The following CDH7 variants were observed in gnomAD, a reference collection of about 807,000 sequenced individuals.
The protein encoded by CDH7 is cadherin 7, also known as cadherin-7.
A neutral mutation model predicts 71.8 loss-of-function variants in CDH7; 25 were observed. That is an observed-to-expected ratio of 0.35 (90% CI 0.25 to 0.49). The LOEUF is 0.49. CDH7 is among the 20% of genes least tolerant of loss of function. CDH7 has a pLI of 0.99. For synonymous variants in CDH7, 381 were observed against 363.8 expected, an observed-to-expected ratio of 1.05 and a Z score of -0.54; for missense variants, 862 against 974.6, an observed-to-expected ratio of 0.88 and a Z score of 1.54.
chr18:65,839,133 T>C (rs1196323200), intron 6 of CDH7, among the ~76,000 whole-genome samples: 1 of 152,210 alleles, frequency 6.6e-6, no homozygotes, highest in African/African-American at 2.4e-5. Context: ...TCTGTGCTCT[T>C]TAAACATGGG....
At chr18:65,794,895 C>T (rs2143867103) in intron 2 of CDH7, among the ~76,000 whole-genome samples, 1 of 152,234 alleles carries the variant, frequency 6.6e-6, no homozygotes, top group Admixed American at 6.5e-5. Context: ...ATGCCTACCA[C>T]AAAACTTTGT....
At chr18:65,768,639 T>C (rs558836401) in intron 2 of CDH7, among the ~76,000 whole-genome samples, 1 of 152,298 alleles carries the variant, frequency 6.6e-6, no homozygotes, top group East Asian at 1.9e-4. Context: ...TGTGCATTGC[T>C]CATAGATACA....
chr18:65,877,997 C>A (rs1599070037), intron 11 of CDH7, among the ~76,000 whole-genome samples: 2 of 152,244 alleles, frequency 1.3e-5, no homozygotes, highest in African/African-American at 4.8e-5. Context: ...TGAAGACAGA[C>A]TGAGATGGAG....
intron 7 of CDH7, among the ~76,000 whole-genome samples, chr18:65,854,225 G>T (rs1305169208): frequency 6.6e-6 from 1 of 151,782 alleles, no homozygotes; most frequent in Non-Finnish European, 1.5e-5. Context: ...AGGATCACTT[G>T]AGCCTGAGAG....
At position 65,809,926 on chromosome 18, in the gene CDH7, G is replaced by C; in HGVS notation, c.433G>C (p.Asp145His). ...PESEFVIKIQ[D>H]INDNEPKFLD... is the part of the protein sequence containing the mutation. The stretch of plus-strand genomic sequence containing the variant: ...GTCGGAGTTTGTCATCAAAATTCAG[G>C]ATATCAACGACAATGAACCCAAATT... Residue 145 changes from aspartate to histidine, a missense_variant, in exon 3 of 12, where the codon GAT becomes CAT. Physicochemically the swap from Asp to His is moderately conservative, Grantham distance 81 (BLOSUM62 -1). Coordinates refer to ENST00000397968, the MANE Select transcript of CDH7 (RefSeq NM_004361.5). 1 of 1,614,020 alleles carries C rather than the reference G, an allele frequency of 6.2e-7. No homozygotes were observed. The highest frequency in any genetic ancestry group is 8.5e-7 in the Non-Finnish European group (1 of 1,179,990).
chr18:65,814,258 A>G (rs1036077521), intron 3 of CDH7, among the ~76,000 whole-genome samples: 1 of 151,556 alleles, frequency 6.6e-6, no homozygotes, highest in African/African-American at 2.4e-5. Flanking sequence ...TTTTTTTGCC[A>G]GAATATTTTC....
At chr18:65,800,323 C>T (rs756482524) in intron 2 of CDH7, among the ~76,000 whole-genome samples, 1 of 152,192 alleles carries the variant, frequency 6.6e-6, no homozygotes, top group Non-Finnish European at 1.5e-5. Flanking sequence ...TTGTGATCCT[C>T]CCGCCTTAGC....
intron 7 of CDH7, among the ~76,000 whole-genome samples, chr18:65,847,571 T>C (rs1912976783): frequency 6.6e-6 from 1 of 152,150 alleles, no homozygotes; most frequent in South Asian, 2.1e-4. Context: ...GCACAGCATT[T>C]TAAAATTTCT....
intron 1 of CDH7, among the ~76,000 whole-genome samples, chr18:65,753,555 T>C (rs1455109260): frequency 2.0e-5 from 3 of 152,210 alleles, no homozygotes; most frequent in East Asian, 1.9e-4. Flanking sequence ...CATGCATTAG[T>C]TGATTGCAAA....
chr18:65,768,238 T>C (rs961734293), intron 2 of CDH7, among the ~76,000 whole-genome samples: 1 of 152,132 alleles, frequency 6.6e-6, no homozygotes, highest in Non-Finnish European at 1.5e-5. Flanking sequence ...TTTTTTTATT[T>C]TTTGGTTCTT....
At chr18:65,826,059 T>C (rs1451460359) in intron 6 of CDH7, among the ~76,000 whole-genome samples, 1 of 151,564 alleles carries the variant, frequency 6.6e-6, no homozygotes, top group East Asian at 1.9e-4. Flanking sequence ...AAATTCTAAA[T>C]TTAATATAAA....
Position 65,810,035 on chromosome 18 carries a change from C to T in CDH7, c.505+37C>T, listed in dbSNP as rs80158385. The T allele has an allele frequency of 3.0e-3, 4,511 of 1,527,664 alleles. 108 individuals carry two copies. The African/African-American group carries it at 0.053, about 18-fold the overall frequency. 94.6% of individuals were successfully genotyped at this position (1,527,664 alleles called of 1,614,324 possible). On this transcript the variant is annotated intron_variant, in intron 3 of 11. Transcript: ENST00000397968. ...ACACTCTGCTTTTGTAGCTTGTGGC[C>T]GATTTGGGGAGATTTGTATTTAAAA...
chr18:65,775,712 G>C (rs538398810), intron 2 of CDH7, among the ~76,000 whole-genome samples: 89 of 152,242 alleles, frequency 5.8e-4, no homozygotes, highest in African/African-American at 1.9e-3. Flanking sequence ...TTTGTGCTGG[G>C]CTGCATTCAG....
chr18:65,876,782 T>C (rs1252771650), intron 11 of CDH7, among the ~76,000 whole-genome samples: 1 of 152,236 alleles, frequency 6.6e-6, no homozygotes, highest in East Asian at 1.9e-4. Flanking sequence ...GTAAATGTTA[T>C]ATGTCTGCTT....
At position 65,754,422 on chromosome 18, in the gene CDH7, G is replaced by A. The variant is rs140682070; in HGVS notation, c.-197+3272G>A. 1.4e-4 allele frequency among the ~76,000 whole-genome samples: 22 copies of A among 152,246 alleles called. No homozygotes were observed. In the East Asian group the frequency reaches 3.9e-3, roughly 27 times the overall value. The stretch of plus-strand genomic sequence containing the variant: ...ATGGATTTGATCGCAGTTTCTTTAC[G>A]TGAGAAGTCACATATCACAGAGAGT... On this transcript the variant is annotated intron_variant, in intron 1 of 11. Coordinates refer to ENST00000397968, the MANE Select transcript of CDH7 (RefSeq NM_004361.5).
At chr18:65,804,575 G>T (rs1054132530) in intron 2 of CDH7, among the ~76,000 whole-genome samples, 1 of 152,052 alleles carries the variant, frequency 6.6e-6, no homozygotes, top group East Asian at 1.9e-4. Context: ...GCAGTGCATT[G>T]CTCTTTTAGT....
At chr18:65,842,386 A>T (rs540798322) in intron 6 of CDH7, among the ~76,000 whole-genome samples, 1 of 151,958 alleles carries the variant, frequency 6.6e-6, no homozygotes, top group South Asian at 2.1e-4. Context: ...ATTGATTTAT[A>T]TATATATATG....
At chr18:65,875,985 A>G (rs755644615) in intron 11 of CDH7, among the ~76,000 whole-genome samples, 2 of 152,202 alleles carry the variant, frequency 1.3e-5, no homozygotes, top group Non-Finnish European at 2.9e-5. Flanking sequence ...AAAGAATTAC[A>G]TGAAATTTGT....
Position 65,850,230 on chromosome 18 carries a change from C to A in CDH7, c.1235+6165C>A, listed in dbSNP as rs918022263. ...GAAAAGTCACATTAATAAAGGAATACAAAAATTCAATGTTCTTGGTGTAAA... is the reference window on the plus strand; with the variant it reads ...GAAAAGTCACATTAATAAAGGAATAAAAAAATTCAATGTTCTTGGTGTAAA... On this transcript the variant is annotated intron_variant, in intron 7 of 11. Transcript: ENST00000397968. 8.8e-5 allele frequency among the ~76,000 whole-genome samples: 13 copies of A among 148,246 alleles called. 1 individual carries two copies. Among genetic ancestry groups the A allele is most frequent in the Admixed American group, 8.1e-4 (12 of 14,820 alleles).
Sources: allele counts gnomAD v4.1 joint callset (sites outside exome capture counted in the v4.1 genomes callset), GRCh38; gene constraint gnomAD v4.1.1; transcripts MANE v1.5; gene names NCBI Gene and HGNC (gene_info 2026-07-23, HGNC 2026-07-21).